The following HUNK variants were observed in gnomAD, a reference collection of about 807,000 sequenced individuals.
The protein encoded by HUNK is hormonally up-regulated neu tumor-associated kinase.
In HUNK, 21 loss-of-function variants were observed where a neutral mutation model predicts 61.0. That is an observed-to-expected ratio of 0.34 (90% CI 0.24 to 0.50). HUNK has a LOEUF of 0.50. Among genes scored for constraint, HUNK ranks in the 20% least tolerant of loss-of-function variants. The pLI is 0.98. For missense variants in HUNK, 772 were observed against 945.7 expected (o/e 0.82, Z 2.41); for synonymous variants, 371 against 386.1 (o/e 0.96, Z 0.46).
At chr21:31,880,140 T>G (rs547413903) in intron 1 of HUNK, among the ~76,000 whole-genome samples, 3 of 152,298 alleles carry the variant, frequency 2.0e-5, no homozygotes, top group African/African-American at 4.8e-5. Context: ...CTACAGTGTT[T>G]TACGGTTTTT....
intron 1 of HUNK, among the ~76,000 whole-genome samples, chr21:31,908,428 G>C (rs1351401607): frequency 6.6e-6 from 1 of 152,234 alleles, no homozygotes; most frequent in Admixed American, 6.5e-5. Context: ...GCCAGGGCAG[G>C]GTGGTGGCCA....
At chr21:31,907,995 GA>G (rs953884983) in intron 1 of HUNK, among the ~76,000 whole-genome samples, 35 of 145,768 alleles carry the variant, frequency 2.4e-4, no homozygotes, top group East Asian at 4.0e-4. Context: ...CATCTCAAAA[GA>G]AAAAAAAAAT....
At chr21:31,921,253 C>T (rs1442697501) in intron 1 of HUNK, among the ~76,000 whole-genome samples, 1 of 150,684 alleles carries the variant, frequency 6.6e-6, no homozygotes, top group East Asian at 2.0e-4. Context: ...TTGGTGATTC[C>T]ATTGGTTAGT....
chr21:31,962,061 C>T (rs2052932891), intron 5 of HUNK, among the ~76,000 whole-genome samples: 1 of 152,246 alleles, frequency 6.6e-6, no homozygotes, highest in Non-Finnish European at 1.5e-5. Flanking sequence ...CCACTTCCAA[C>T]ATTTCTGGTT....
Position 31,999,929 on chromosome 21 carries a change from TG to T in HUNK, c.*747del, listed in dbSNP as rs1305724566. The T allele has an allele frequency of 4.4e-5, 17 of 387,274 alleles. No homozygotes were observed. The highest frequency in any genetic ancestry group is 2.5e-4 in the African/African-American group (12 of 48,446). 24.0% of individuals were successfully genotyped at this position (387,274 alleles called of 1,614,324 possible). On this transcript the variant is annotated 3_prime_UTR_variant, in exon 11 of 11. Transcript: ENST00000270112. The stretch of plus-strand genomic sequence containing the variant: ...TGAAATAACATAATTTTTTAAAACT[TG>T]GATGGAGAGATGAGAAGCAATTCCA...
rs8126755 is a variant in HUNK at position 31,903,568 on chromosome 21, A to T, written c.262-20900A>T. Among the ~76,000 whole-genome samples the T allele has an allele frequency of 4.4e-3, 668 of 152,318 alleles. 9 individuals carry two copies. Among genetic ancestry groups the T allele is most frequent in the African/African-American group, 0.015 (643 of 41,566 alleles). On this transcript the variant is annotated intron_variant, in intron 1 of 10. Coordinates refer to ENST00000270112, the MANE Select transcript of HUNK (RefSeq NM_014586.2). ...GGCGGTTGACTAAATGATGAATAAG[A>T]AGTCTATATTTTAAAAGAATTTTGA... is the stretch of plus-strand genomic sequence containing the variant.
chr21:31,912,069 A>G (rs967669263), intron 1 of HUNK, among the ~76,000 whole-genome samples: 1 of 152,052 alleles, frequency 6.6e-6, no homozygotes, highest in Non-Finnish European at 1.5e-5. Context: ...TCTACCCCAA[A>G]TTGGAATCTG....
intron 1 of HUNK, among the ~76,000 whole-genome samples, chr21:31,892,176 T>TAGAG (rs1423478679): frequency 1.1e-3 from 132 of 116,444 alleles, no homozygotes; most frequent in Non-Finnish European, 1.7e-3. Flanking sequence ...TATATATATA[T>TAGAG]ATATAGAGAG....
At chr21:31,981,427 T>C (rs1486977724) in intron 7 of HUNK, among the ~76,000 whole-genome samples, 4 of 152,040 alleles carry the variant, frequency 2.6e-5, no homozygotes, top group Admixed American at 6.5e-5. Context: ...AGGGATTCCA[T>C]TGAATCCGTA....
At chr21:31,899,442 G>T (rs1320776692) in intron 1 of HUNK, among the ~76,000 whole-genome samples, 2 of 152,106 alleles carry the variant, frequency 1.3e-5, no homozygotes, top group East Asian at 3.9e-4. Flanking sequence ...CTGTGTGTGT[G>T]TGTCTGTGTT....
At chr21:31,882,198 T>C (rs2052313414) in intron 1 of HUNK, among the ~76,000 whole-genome samples, 1 of 152,222 alleles carries the variant, frequency 6.6e-6, no homozygotes, top group Non-Finnish European at 1.5e-5. Flanking sequence ...TAGAGCCATC[T>C]GTTAACATCC....
chr21:31,965,791 G>A (rs997199440), intron 5 of HUNK, among the ~76,000 whole-genome samples: 14 of 151,740 alleles, frequency 9.2e-5, no homozygotes, highest in Non-Finnish European at 1.6e-4. Flanking sequence ...TAGTAGAGAC[G>A]GGGTTTCGCC....
At chr21:31,955,322 T>G (rs1169007899) in intron 4 of HUNK, among the ~76,000 whole-genome samples, 1 of 149,220 alleles carries the variant, frequency 6.7e-6, no homozygotes. Context: ...CCGGGCGCGG[T>G]GCTCACGCCT....
intron 8 of HUNK, among the ~76,000 whole-genome samples, chr21:31,987,601 T>C (rs1233757107): frequency 3.9e-5 from 6 of 152,208 alleles, no homozygotes; most frequent in Non-Finnish European, 8.8e-5. Context: ...TTTTAAACAT[T>C]TGTTGAAATA....
chr21:31,951,191 A>AAT (rs60578023), intron 4 of HUNK, among the ~76,000 whole-genome samples: 15,886 of 147,738 alleles, frequency 0.11, 960 homozygotes, highest in South Asian at 0.15. Context: ...TATATGTATA[A>AAT]ATATATATAT....
At chr21:31,911,732 G>A (rs897737674) in intron 1 of HUNK, among the ~76,000 whole-genome samples, 2 of 152,008 alleles carry the variant, frequency 1.3e-5, no homozygotes, top group African/African-American at 4.8e-5. Context: ...TGGCATGTCA[G>A]GAATTTTAGG....
intron 6 of HUNK, among the ~76,000 whole-genome samples, chr21:31,973,271 G>A (rs1467802994): frequency 5.3e-5 from 8 of 151,812 alleles, no homozygotes; most frequent in South Asian, 4.2e-4. Flanking sequence ...CCATTAACTC[G>A]TCATTTGCAT....
At chr21:31,930,315 G>C (rs1375411240) in intron 2 of HUNK, among the ~76,000 whole-genome samples, 2 of 152,338 alleles carry the variant, frequency 1.3e-5, no homozygotes, top group East Asian at 3.9e-4. Flanking sequence ...ACTAAAAACT[G>C]AGACTCTGTG....
rs1480928428 is a variant in HUNK at position 31,924,096 on chromosome 21, G to A, written c.262-372G>A. 6.6e-6 allele frequency among the ~76,000 whole-genome samples: 1 copy of A among 152,176 alleles called. No individual in the cohort carries two copies. The highest frequency in any genetic ancestry group is 1.5e-5 in the Non-Finnish European group (1 of 68,032). Reference sequence around the variant, plus strand: ...TGAGTCCTGAGGGGGACTGGGACAAGCCCTTTGCTGGAAGAGAAATTGTTA... The same window carrying A: ...TGAGTCCTGAGGGGGACTGGGACAAACCCTTTGCTGGAAGAGAAATTGTTA... On this transcript the variant is annotated intron_variant, in intron 1 of 10. Coordinates refer to ENST00000270112, the MANE Select transcript of HUNK (RefSeq NM_014586.2). The surrounding 1 kb of genome is among the most constrained non-coding windows in gnomAD (Gnocchi z 5.1).
Sources: allele counts gnomAD v4.1 joint callset (sites outside exome capture counted in the v4.1 genomes callset), GRCh38; gene constraint gnomAD v4.1.1; non-coding constraint Gnocchi (gnomAD v3.1); transcripts MANE v1.5; gene names NCBI Gene and HGNC (gene_info 2026-07-23, HGNC 2026-07-21).